The following COL5A2 variants were observed in gnomAD, a reference collection of about 807,000 sequenced individuals.
COL5A2 encodes the protein collagen alpha-2(V) chain.
In COL5A2, 23 loss-of-function variants were observed where a neutral mutation model predicts 208.2. That is an observed-to-expected ratio of 0.11 (90% confidence interval 0.08 to 0.16). The LOEUF (loss-of-function observed/expected upper bound fraction) is 0.16. Among genes scored for constraint, COL5A2 ranks in the 10% least tolerant of loss-of-function variants. The pLI, the probability that COL5A2 is intolerant of heterozygous loss-of-function variation, is 1.00. For synonymous variants in COL5A2, 625 were observed against 628.5 expected, an observed-to-expected ratio of 0.99 and a Z score of 0.08; for missense variants, 1,590 against 1,956.4, an observed-to-expected ratio of 0.81 and a Z score of 3.53.
rs146175905 is a variant in COL5A2, at chr2:189,058,862, G to A, written c.2117C>T (p.Pro706Leu). Residue 706 changes from proline to leucine, a missense_variant, in exon 32 of 54, where the codon CCG (proline) becomes CTG (leucine). Pro to Leu is a moderately conservative substitution (Grantham distance 98). Transcript: ENST00000374866. ...GVPGDPGAVG[P>L]LGPRGERGNP... is the part of the protein sequence containing the mutation. ...TAAAATACTTACTCTAGGTCCTAACGGGCCAACTGCTCCGGGATCTCCAGG... is the reference window on the plus strand; with the variant it reads ...TAAAATACTTACTCTAGGTCCTAACAGGCCAACTGCTCCGGGATCTCCAGG... 78 of 1,613,068 alleles carry A rather than the reference G, an allele frequency of 4.8e-5. No individual in the cohort carries two copies. In the African/African-American group the frequency reaches 5.1e-4, roughly 11 times the overall value.
chr2:189,224,698 T>A (rs1352671308), intron 1 of COL5A2, among the ~76,000 whole-genome samples: 1 of 151,598 alleles, frequency 6.6e-6, no homozygotes, highest in African/African-American at 2.4e-5. Flanking sequence ...CAAAAAAAAA[T>A]TAATATTAAA....
At chr2:189,324,983 A>C in the COL5A2 span, among the ~76,000 whole-genome samples, 2 of 152,194 alleles carry the variant, frequency 1.3e-5, no homozygotes, top group Admixed American at 6.5e-5. Context: ...AATACTATGC[A>C]GCCATAAAAA....
chr2:189,423,563 T>C, the COL5A2 span, among the ~76,000 whole-genome samples: 3 of 151,760 alleles, frequency 2.0e-5, no homozygotes, highest in South Asian at 2.1e-4. Context: ...AACACATAAA[T>C]ACAAAGGATA....
chr2:189,038,662 TC>T (rs892519159), intron 51 of COL5A2, among the ~76,000 whole-genome samples: 1 of 152,090 alleles, frequency 6.6e-6, no homozygotes, highest in African/African-American at 2.4e-5. Flanking sequence ...GTATAAGCAT[TC>T]CCTTTTCTCC....
At chr2:189,302,912 A>T in the COL5A2 span, among the ~76,000 whole-genome samples, 1 of 152,186 alleles carries the variant, frequency 6.6e-6, no homozygotes, top group Non-Finnish European at 1.5e-5. Flanking sequence ...TGATGCTTTC[A>T]ATTTGGATAT....
intron 24 of COL5A2, 135 bp downstream of exon 24, chr2:189,064,869 G>A (rs111401093): frequency 5.4e-6 from 5 of 921,238 alleles, no homozygotes; most frequent in Non-Finnish European, 8.7e-6. Flanking sequence ...GAGGATTGGG[G>A]TTAGGCCTGG....
chr2:189,189,971 T>C (rs1322752509), intron 1 of COL5A2, among the ~76,000 whole-genome samples: 1 of 152,098 alleles, frequency 6.6e-6, no homozygotes, highest in Non-Finnish European at 1.5e-5. Flanking sequence ...TAAATATACA[T>C]GCAAAAAAAA....
chr2:189,118,657 C>T (rs887737239), intron 1 of COL5A2, among the ~76,000 whole-genome samples: 4 of 152,076 alleles, frequency 2.6e-5, no homozygotes, highest in Non-Finnish European at 4.4e-5. Flanking sequence ...TAAAGGGATG[C>T]CTCTTTCTGC....
At chr2:189,369,841 G>T in the COL5A2 span, among the ~76,000 whole-genome samples, 2 of 152,152 alleles carry the variant, frequency 1.3e-5, no homozygotes, top group Non-Finnish European at 2.9e-5. Flanking sequence ...ATTGCATGAT[G>T]AGGTCTAGCA....
At chr2:189,335,249 T>C in the COL5A2 span, among the ~76,000 whole-genome samples, 3 of 152,080 alleles carry the variant, frequency 2.0e-5, no homozygotes, top group Admixed American at 1.3e-4. Flanking sequence ...AAAAAATCAT[T>C]TGTCATCAGG....
the COL5A2 span, among the ~76,000 whole-genome samples, chr2:189,288,008 A>ATGTT: frequency 6.6e-6 from 1 of 152,204 alleles, no homozygotes; most frequent in Non-Finnish European, 1.5e-5. Context: ...CAAAAAACAA[A>ATGTT]GAGCAACAGC....
At chr2:189,245,383 A>G in the COL5A2 span, among the ~76,000 whole-genome samples, 1 of 152,208 alleles carries the variant, frequency 6.6e-6, no homozygotes, top group Non-Finnish European at 1.5e-5. Context: ...GGTGCTTTAA[A>G]TCAAAACTTA....
intron 1 of COL5A2, among the ~76,000 whole-genome samples, chr2:189,208,933 C>T (rs1689175301): frequency 2.0e-5 from 3 of 152,146 alleles, no homozygotes. Context: ...TGTCAACATC[C>T]TCTTACCATG....
At position 189,098,712 on chromosome 2, in the gene COL5A2, G is replaced by C. The variant is rs544912500; in HGVS notation, c.402+15C>G. 1 of 1,602,974 alleles carries C rather than the reference G, an allele frequency of 6.2e-7. No homozygotes were observed. Among genetic ancestry groups the C allele is most frequent in the Non-Finnish European group, 8.5e-7 (1 of 1,170,028 alleles). On this transcript the variant is annotated intron_variant, in intron 5 of 53. Transcript: ENST00000374866. ...GAATACAAGAGTACCAAGAATATTG[G>C]GAGAAACTACTTACTGCCGGTCCTG...
At chr2:189,081,257 T>C (rs1236778655) in intron 12 of COL5A2, among the ~76,000 whole-genome samples, 1 of 152,178 alleles carries the variant, frequency 6.6e-6, no homozygotes, top group East Asian at 1.9e-4. Context: ...GAAACATGAC[T>C]TATACAAGGA....
At chr2:189,165,792 A>C (rs528345378) in intron 1 of COL5A2, among the ~76,000 whole-genome samples, 15 of 152,340 alleles carry the variant, frequency 9.8e-5, no homozygotes, top group African/African-American at 3.4e-4. Context: ...TATATGTAGA[A>C]AAATGGTAAC....
At chr2:189,128,722 A>G (rs766519950) in intron 1 of COL5A2, among the ~76,000 whole-genome samples, 3 of 152,040 alleles carry the variant, frequency 2.0e-5, no homozygotes, top group South Asian at 4.1e-4. Context: ...AAGCATTCCA[A>G]TGATGTGCAA....
At chr2:189,200,219 C>G (rs115567115) in intron 1 of COL5A2, among the ~76,000 whole-genome samples, 1 of 152,060 alleles carries the variant, frequency 6.6e-6, no homozygotes, top group African/African-American at 2.4e-5. Context: ...AATAAATTAA[C>G]TAAACAACTA....
At chr2:189,319,272 A>G in the COL5A2 span, among the ~76,000 whole-genome samples, 10 of 152,360 alleles carry the variant, frequency 6.6e-5, no homozygotes, top group African/African-American at 2.4e-4. Context: ...TGCATTTCCA[A>G]CTTAGGTACT....
Sources: allele counts gnomAD v4.1 joint callset (sites outside exome capture counted in the v4.1 genomes callset), GRCh38; gene constraint gnomAD v4.1.1; transcripts MANE v1.5; gene names NCBI Gene and HGNC (gene_info 2026-07-23, HGNC 2026-07-21).